Variants in NFASC observed in about 807,000 individuals in gnomAD.
NFASC encodes neurofascin.
NFASC carries 43 observed loss-of-function variants against 147.5 expected under a neutral mutation model. That is an observed-to-expected ratio of 0.29 (90% CI 0.23 to 0.38). NFASC has a LOEUF of 0.38. Among genes scored for constraint, NFASC ranks in the 10% least tolerant of loss-of-function variants. The pLI is 1.00. For synonymous variants in NFASC, 622 were observed against 665.5 expected (o/e 0.93, Z 1.01); for missense variants, 1,320 against 1,689.0 (o/e 0.78, Z 3.83).
At chr1:204,995,819 T>G (rs1356032048) in intron 24 of NFASC, among the ~76,000 whole-genome samples, 3 of 152,100 alleles carry the variant, frequency 2.0e-5, no homozygotes, top group Admixed American at 6.6e-5. Flanking sequence ...CTGGCAATTC[T>G]TTCTCTGGCA....
Position 204,970,726 on chromosome 1 carries a change from G to C in NFASC, c.1114G>C (p.Val372Leu). ...GNPKPTVQWM[V>L]NGEPLQSAPP... ...CCCCAAACCCACTGTCCAGTGGATG[G>C]TGAATGGGGAACCTTTGCAATGTAA... Residue 372 changes from valine (V) to leucine (L), a missense_variant, in exon 11 of 30, where the codon GTG (valine) becomes CTG (leucine). By Grantham distance (32) the Val-to-Leu change is conservative (BLOSUM62 1). This residue lies in a region of NFASC where 981 missense variants were observed against 1,289.5 expected (regional missense o/e 0.76). Transcript: ENST00000339876. 1.2e-6 allele frequency: 2 copies of C among 1,614,212 alleles called. No individual in the cohort carries two copies. The highest frequency in any genetic ancestry group is 2.2e-5 in the East Asian group (1 of 44,882).
chr1:204,845,574 A>G (rs572265624), intron 1 of NFASC, among the ~76,000 whole-genome samples: 32 of 152,174 alleles, frequency 2.1e-4, no homozygotes, highest in African/African-American at 7.5e-4. Context: ...ACCTAGAAAG[A>G]CTTAAAGGAG....
intron 1 of NFASC, among the ~76,000 whole-genome samples, chr1:204,861,015 T>A (rs1250055544): frequency 3.9e-5 from 6 of 151,920 alleles, no homozygotes; most frequent in Non-Finnish European, 7.4e-5. Context: ...ACCTTTGAGC[T>A]ATTGTGAATA....
chr1:204,907,570 G>T (rs2086270146), intron 1 of NFASC, among the ~76,000 whole-genome samples: 1 of 152,306 alleles, frequency 6.6e-6, no homozygotes, highest in East Asian at 1.9e-4. Context: ...ACCTTGCGAA[G>T]ATATTGGCTC....
Position 204,892,399 on chromosome 1 carries a change from G to C in NFASC, c.-199-28233G>C, listed in dbSNP as rs75080504. ...ATCTATGAGTCAACAAGTTAAGCTG[G>C]GCTCTGTTGGGAGATTCTTCTGATG... On this transcript the variant is annotated intron_variant, in intron 1 of 29. Transcript: ENST00000339876. 1.0e-2 allele frequency among the ~76,000 whole-genome samples: 1,519 copies of C among 152,284 alleles called. 29 individuals are homozygous for C. Among genetic ancestry groups the C allele is most frequent in the African/African-American group, 0.034 (1,398 of 41,548 alleles).
Position 204,920,743 on chromosome 1 carries a change from A to G in NFASC, c.-91+3A>G. On this transcript the variant is annotated splice_donor_region_variant and intron_variant, in intron 2 of 29. Coordinates refer to ENST00000339876, the MANE Select transcript of NFASC (RefSeq NM_001005388.3). Reference sequence around the variant, plus strand: ...AGAGGCTGAATGAGGCAGAGAAGGTAAGCAGGACTTGGGCCTGGGGTATGT... The same window carrying G: ...AGAGGCTGAATGAGGCAGAGAAGGTGAGCAGGACTTGGGCCTGGGGTATGT... The G allele has an allele frequency of 7.8e-7, 1 of 1,274,686 alleles. No homozygotes were observed. The highest frequency in any genetic ancestry group is 1.0e-6 in the Non-Finnish European group (1 of 975,158). The allele number at this position is 1,274,686 out of a possible 1,614,324, so 79.0% of individuals were successfully genotyped here.
At chr1:204,959,003 C>T (rs1186420894) in intron 8 of NFASC, among the ~76,000 whole-genome samples, 43 of 151,966 alleles carry the variant, frequency 2.8e-4, no homozygotes, top group Admixed American at 2.8e-3. Context: ...TCCATTTCCA[C>T]CATGGCACAG....
intron 2 of NFASC, among the ~76,000 whole-genome samples, chr1:204,937,363 T>C (rs2092953688): frequency 6.6e-6 from 1 of 152,228 alleles, no homozygotes; most frequent in African/African-American, 2.4e-5. Context: ...TCTATGGGTT[T>C]GGACAAATGT....
rs1012723766 is a variant in NFASC, at chr1:204,848,770, A to T, written c.-200+19988A>T. 3.3e-5 allele frequency among the ~76,000 whole-genome samples: 5 copies of T among 152,220 alleles called. No homozygotes were observed. The South Asian group carries it at 8.3e-4, about 25-fold the overall frequency. On this transcript the variant is annotated intron_variant, in intron 1 of 29. Coordinates refer to ENST00000339876, the MANE Select transcript of NFASC (RefSeq NM_001005388.3). ...AACAGAGCAAATAAGGACAGGGGTC[A>T]TGGAGAGCTCGTTGCCCTCTTCTCA...
chr1:204,855,541 G>A (rs1245599825), intron 1 of NFASC, among the ~76,000 whole-genome samples: 4 of 152,218 alleles, frequency 2.6e-5, no homozygotes, highest in Non-Finnish European at 4.4e-5. Flanking sequence ...AGAGACCTCT[G>A]AGCACAGGGC....
chr1:204,838,620 A>T, intron 1 of NFASC, among the ~76,000 whole-genome samples: 1 of 152,186 alleles, frequency 6.6e-6, no homozygotes, highest in East Asian at 1.9e-4. Context: ...TGTAGTGTTT[A>T]TGGCCCTGAA....
chr1:204,895,492 G>A (rs1207694319), intron 1 of NFASC, among the ~76,000 whole-genome samples: 1 of 152,192 alleles, frequency 6.6e-6, no homozygotes, highest in Non-Finnish European at 1.5e-5. Context: ...AATAGAGGAT[G>A]TGCATCCATT....
chr1:204,947,175 T>C (rs2093803761), intron 3 of NFASC: 1 of 222,528 alleles, frequency 4.5e-6, no homozygotes, highest in African/African-American at 2.3e-5. Flanking sequence ...TCTGAGCCCA[T>C]AAAGACTGTT....
intron 1 of NFASC, among the ~76,000 whole-genome samples, chr1:204,913,034 A>T (rs1021033772): frequency 6.6e-6 from 1 of 152,170 alleles, no homozygotes. Context: ...TCTCAAAAAT[A>T]TTTTTTTAAA....
intron 1 of NFASC, among the ~76,000 whole-genome samples, chr1:204,839,436 A>G (rs1674667328): frequency 6.6e-6 from 1 of 151,816 alleles, no homozygotes; most frequent in Admixed American, 6.6e-5. Flanking sequence ...AAAAACAAAG[A>G]CAAAGGCGGT....
chr1:204,837,935 G>C (rs1179631577), intron 1 of NFASC, among the ~76,000 whole-genome samples: 1 of 152,170 alleles, frequency 6.6e-6, no homozygotes, highest in Non-Finnish European at 1.5e-5. Context: ...TTTTGCCTTA[G>C]AACTTTTGGG....
intron 1 of NFASC, among the ~76,000 whole-genome samples, chr1:204,916,797 C>T (rs966779649): frequency 1.5e-4 from 23 of 151,692 alleles, no homozygotes; most frequent in South Asian, 2.1e-4. Context: ...GGTCTCGAAC[C>T]GCTGGGCTCA....
chr1:205,012,561 T>C (rs1558476249), intron 28 of NFASC, among the ~76,000 whole-genome samples: 1 of 152,030 alleles, frequency 6.6e-6, no homozygotes, highest in Non-Finnish European at 1.5e-5. Flanking sequence ...GAGATTTCAG[T>C]TGTCAGTAGA....
chr1:204,906,107 A>T (rs959824441), intron 1 of NFASC, among the ~76,000 whole-genome samples: 12 of 152,158 alleles, frequency 7.9e-5, no homozygotes, highest in African/African-American at 2.4e-4. Context: ...TAAAATATTT[A>T]AAAATATTTT....
Sources: allele counts gnomAD v4.1 joint callset (sites outside exome capture counted in the v4.1 genomes callset), GRCh38; gene constraint gnomAD v4.1.1; regional missense constraint gnomAD v4.1.1; transcripts MANE v1.5; gene names NCBI Gene and HGNC (gene_info 2026-07-23, HGNC 2026-07-21).